Variants in ALPK1 observed in about 807,000 individuals in gnomAD.
The protein encoded by ALPK1 is alpha-protein kinase 1.
ALPK1 carries 110 observed loss-of-function variants against 120.6 expected under a neutral mutation model. The observed-to-expected ratio is 0.91, with a 90% CI of 0.78 to 1.07. ALPK1 has a LOEUF of 1.07. ALPK1 is among the 50% of genes least tolerant of loss of function. The probability of loss-of-function intolerance (pLI) is 0.00; values close to 1 mark genes in which losing one functional copy is unlikely to be tolerated. For missense variants in ALPK1, 1,498 were observed against 1,483.9 expected, an observed-to-expected ratio of 1.01 and a Z score of -0.16; for synonymous variants, 582 against 560.3, an observed-to-expected ratio of 1.04 and a Z score of -0.55.
intron 5 of ALPK1, chr4:112,423,600 C>A (rs777440921): frequency 4.9e-6 from 2 of 411,156 alleles, no homozygotes; most frequent in Non-Finnish European, 9.4e-6. Context: ...AACTCTATTC[C>A]ACTTCCTGAA....
At chr4:112,336,510 T>G (rs1480693117) in intron 2 of ALPK1, among the ~76,000 whole-genome samples, 2 of 152,236 alleles carry the variant, frequency 1.3e-5, no homozygotes, top group South Asian at 4.1e-4. Flanking sequence ...GAAATTTAGC[T>G]GAATATAATT....
chr4:112,307,866 G>A (rs1286622470), intron 1 of ALPK1, among the ~76,000 whole-genome samples: 2 of 152,152 alleles, frequency 1.3e-5, no homozygotes, highest in African/African-American at 4.8e-5. Flanking sequence ...AATTTGGCAT[G>A]TTTTTGCAGT....
intron 4 of ALPK1, among the ~76,000 whole-genome samples, chr4:112,389,517 T>C (rs1413595125): frequency 6.6e-6 from 1 of 152,232 alleles, no homozygotes; most frequent in Non-Finnish European, 1.5e-5. Flanking sequence ...CTGGTGTCTC[T>C]AAGGCTGCAA....
At position 112,382,509 on chromosome 4, in the gene ALPK1, C is replaced by G. The variant is rs746624721; in HGVS notation, c.233C>G (p.Thr78Arg). 25 of 1,614,034 alleles carry G rather than the reference C, an allele frequency of 1.5e-5. No homozygotes were observed. The highest frequency in any genetic ancestry group is 1.9e-5 in the Non-Finnish European group (23 of 1,180,026). ...YKQAVGPEDK[T>R]NLKDVIGAGL... ...CAAGCCGTGGGCCCAGAGGACAAAA[C>G]AAACCTGAAGGATGTGATTGGCGCC... is the stretch of plus-strand genomic sequence containing the variant. Residue 78 changes from threonine (T) to arginine (R), a missense_variant, in exon 4 of 16, where the codon ACA (threonine) becomes AGA (arginine). Physicochemically the swap from Thr to Arg is moderately conservative, Grantham distance 71. Transcript: ENST00000650871.
chr4:112,435,146 A>G lies in ALPK1; in HGVS notation c.3035-2A>G. The G allele has an allele frequency of 6.3e-7, 1 of 1,593,446 alleles. No individual in the cohort carries two copies. The stretch of plus-strand genomic sequence containing the variant: ...ATTCATTTTCATCTTTTTTTTTCCC[A>G]GGTGCTCTTTTGTTAAAATATTCAA... On this transcript the variant is annotated splice_acceptor_variant, in intron 11 of 15. Transcript: ENST00000650871. LOFTEE classifies it high-confidence loss of function.
intron 5 of ALPK1, among the ~76,000 whole-genome samples, chr4:112,420,823 C>G (rs766626490): frequency 2.0e-5 from 3 of 147,342 alleles, no homozygotes; most frequent in Non-Finnish European, 3.0e-5. Flanking sequence ...TGTATATACT[C>G]ATACATACAT....
At chr4:112,311,806 C>T (rs972457781) in intron 1 of ALPK1, among the ~76,000 whole-genome samples, 6 of 152,170 alleles carry the variant, frequency 3.9e-5, no homozygotes, top group African/African-American at 7.2e-5. Flanking sequence ...GCTTGGCTAT[C>T]GGGGTTAGTT....
At chr4:112,419,353 G>C (rs555796525) in intron 5 of ALPK1, among the ~76,000 whole-genome samples, 1 of 152,240 alleles carries the variant, frequency 6.6e-6, no homozygotes, top group Non-Finnish European at 1.5e-5. Flanking sequence ...TAGGCCTTTA[G>C]GATAGTTATA....
intron 1 of ALPK1, among the ~76,000 whole-genome samples, chr4:112,311,105 G>A (rs534789209): frequency 5.3e-5 from 8 of 152,260 alleles, no homozygotes; most frequent in Non-Finnish European, 7.4e-5. Context: ...ACAAAAAAGC[G>A]CTCACTTGGA....
intron 2 of ALPK1, among the ~76,000 whole-genome samples, chr4:112,318,026 A>G (rs1728712114): frequency 6.6e-6 from 1 of 152,208 alleles, no homozygotes; most frequent in Non-Finnish European, 1.5e-5. Context: ...GAAGAATTTG[A>G]TTCAAGACAT....
chr4:112,389,047 C>CA (rs1553950071), intron 4 of ALPK1, among the ~76,000 whole-genome samples: 1 of 138,038 alleles, frequency 7.2e-6, no homozygotes, highest in Non-Finnish European at 1.6e-5. Flanking sequence ...GCCATGCTGG[C>CA]TTTTTTTTTT....
At chr4:112,351,801 A>G (rs1419126516) in intron 2 of ALPK1, among the ~76,000 whole-genome samples, 4 of 152,230 alleles carry the variant, frequency 2.6e-5, no homozygotes, top group African/African-American at 9.6e-5. Context: ...TGTAAATAGA[A>G]TGAAAAGATA....
At chr4:112,340,242 C>A (rs1729798886) in intron 2 of ALPK1, among the ~76,000 whole-genome samples, 1 of 152,198 alleles carries the variant, frequency 6.6e-6, no homozygotes, top group Admixed American at 6.5e-5. Context: ...TGCTGGATTT[C>A]ATGTAGAGCA....
In ALPK1 at chr4:112,376,074, G is replaced by A. The variant is rs551018724; in HGVS notation, c.-100-1604G>A. On this transcript the variant is annotated intron_variant, in intron 2 of 15. Transcript: ENST00000650871. The stretch of plus-strand genomic sequence containing the variant: ...CTTTGCTGGCTCCCAGACAGTTTGT[G>A]GTGCCCCAAAATAATTACAATAATA... Among the ~76,000 whole-genome samples, 41 of 152,166 alleles carry A rather than the reference G, an allele frequency of 2.7e-4. No homozygotes were observed. The South Asian group carries it at 8.1e-3, about 30-fold the overall frequency.
intron 2 of ALPK1, among the ~76,000 whole-genome samples, chr4:112,349,522 T>C (rs1046359095): frequency 6.6e-6 from 1 of 151,608 alleles, no homozygotes; most frequent in Non-Finnish European, 1.5e-5. Context: ...AACTGTGAGA[T>C]TGATCCTATT....
intron 1 of ALPK1, among the ~76,000 whole-genome samples, chr4:112,298,433 T>TTC (rs1727637742): frequency 6.6e-6 from 1 of 152,114 alleles, no homozygotes; most frequent in Admixed American, 6.6e-5. Context: ...AACAATTTAC[T>TTC]TCTCTCTTCC....
chr4:112,390,205 C>G (rs1273545333), intron 4 of ALPK1, among the ~76,000 whole-genome samples: 1 of 152,174 alleles, frequency 6.6e-6, no homozygotes, highest in Non-Finnish European at 1.5e-5. Context: ...TCATGGCCTC[C>G]TTTCAGTCCA....
intron 2 of ALPK1, chr4:112,356,726 AG>A: frequency 1.1e-6 from 1 of 946,270 alleles, no homozygotes; most frequent in Non-Finnish European, 1.7e-6. Flanking sequence ...CTTGGTCAAG[AG>A]GGGAAGCAAG....
chr4:112,432,606 C>G (rs577392033), intron 11 of ALPK1, 25 bp downstream of exon 11: 1 of 1,590,076 alleles, frequency 6.3e-7, no homozygotes, highest in African/African-American at 1.3e-5. Context: ...TTCAATAGTT[C>G]CCCCCTCAGG....
Sources: gnomAD v4.1 joint callset for allele counts (sites outside exome capture counted in the v4.1 genomes callset) on GRCh38, gnomAD v4.1.1 for gene constraint, MANE v1.5 for transcripts, NCBI Gene and HGNC (gene_info 2026-07-23, HGNC 2026-07-21) for gene names.